The following ATP8A1 variants were observed in gnomAD, a reference collection of about 807,000 sequenced individuals.
ATP8A1 encodes the protein phospholipid-transporting ATPase IA.
ATP8A1 carries 90 observed loss-of-function variants against 177.7 expected under a neutral mutation model. The ratio of observed to expected loss-of-function variants is 0.51; its 90% CI spans 0.43 to 0.60. The LOEUF is 0.60. Among genes scored for constraint, ATP8A1 ranks in the 20% least tolerant of loss-of-function variants. The pLI, the probability that ATP8A1 is intolerant of heterozygous loss-of-function variation, is 0.00. For synonymous variants in ATP8A1, 493 were observed against 485.9 expected (o/e 1.01, Z -0.19); for missense variants, 1,072 against 1,392.8 (o/e 0.77, Z 3.67).
chr4:42,457,762 C>A (rs1407415805), intron 27 of ATP8A1, among the ~76,000 whole-genome samples: 4 of 152,190 alleles, frequency 2.6e-5, no homozygotes, highest in Non-Finnish European at 4.4e-5. Flanking sequence ...GATTCTCCCT[C>A]AAATCAATAT....
At chr4:42,547,676 T>C (rs1729067481) in intron 19 of ATP8A1, among the ~76,000 whole-genome samples, 1 of 152,242 alleles carries the variant, frequency 6.6e-6, no homozygotes, top group Non-Finnish European at 1.5e-5. Flanking sequence ...TACTCCATTC[T>C]GTTTATTCAA....
At position 42,507,168 on chromosome 4, in the gene ATP8A1, G is replaced by C; in HGVS notation, c.1948-14C>G. 2 of 1,611,748 alleles carry C rather than the reference G, an allele frequency of 1.2e-6. No individual in the cohort carries two copies. The highest frequency in any genetic ancestry group is 1.7e-6 in the Non-Finnish European group (2 of 1,179,338). On this transcript the variant is annotated splice_polypyrimidine_tract_variant and intron_variant, in intron 22 of 36. Coordinates refer to ENST00000381668, the MANE Select transcript of ATP8A1 (RefSeq NM_006095.2). The stretch of plus-strand genomic sequence containing the variant: ...TAGCTGAAGATTCTGAAAAAAATTA[G>C]TGGTAGAAATGTTTTAAAAATCCGT...
chr4:42,641,145 G>A (rs1328072318), intron 1 of ATP8A1, among the ~76,000 whole-genome samples: 1 of 151,950 alleles, frequency 6.6e-6, no homozygotes, highest in African/African-American at 2.4e-5. Context: ...CACATGACAC[G>A]ATTAATCAAT....
intron 33 of ATP8A1, among the ~76,000 whole-genome samples, chr4:42,433,199 T>C (rs1370154740): frequency 1.3e-5 from 2 of 152,170 alleles, no homozygotes; most frequent in Admixed American, 6.5e-5. Context: ...GGAAAACTCT[T>C]TTCACACCCA....
At chr4:42,636,416 AG>A (rs1739403806) in intron 1 of ATP8A1, among the ~76,000 whole-genome samples, 2 of 151,898 alleles carry the variant, frequency 1.3e-5, no homozygotes, top group Non-Finnish European at 2.9e-5. Context: ...GGAGAGAGAG[AG>A]AGAGAGCTCA....
Position 42,539,747 on chromosome 4 carries a change from A to G in ATP8A1, c.1722+4170T>C, listed in dbSNP as rs73165766. ...TGGGAAATCTAAAAACCCATCCTAA[A>G]TAAGGATGAAACTGAACCCTTATCT... On this transcript the variant is annotated intron_variant, in intron 20 of 36. Transcript: ENST00000381668. Among the ~76,000 whole-genome samples the G allele has an allele frequency of 6.6e-3, 1,005 of 152,248 alleles. 11 individuals are homozygous for G. Among genetic ancestry groups the G allele is most frequent in the African/African-American group, 0.023 (955 of 41,542 alleles).
Position 42,468,430 on chromosome 4 carries a change from T to TACACACACAC in ATP8A1, c.2325-3364_2325-3355dup, listed in dbSNP as rs139371340. ...ATATATACATATTTTATATATTTTA[T>TACACACACAC]ACACACACACACACACACACACAGA... On this transcript the variant is annotated intron_variant, in intron 25 of 36. Coordinates refer to ENST00000381668, the MANE Select transcript of ATP8A1 (RefSeq NM_006095.2). Among the ~76,000 whole-genome samples the TACACACACAC allele has an allele frequency of 5.7e-3, 863 of 150,504 alleles. 6 individuals are homozygous for TACACACACAC. Among genetic ancestry groups the TACACACACAC allele is most frequent in the Middle Eastern group, 0.014 (4 of 290 alleles).
chr4:42,437,691 T>A (rs1188680251), intron 33 of ATP8A1, among the ~76,000 whole-genome samples: 3 of 152,184 alleles, frequency 2.0e-5, no homozygotes, highest in African/African-American at 7.2e-5. Flanking sequence ...ATTTGAATCA[T>A]TATCATGGGT....
chr4:42,614,036 T>C (rs1736654939), intron 5 of ATP8A1, among the ~76,000 whole-genome samples: 1 of 152,218 alleles, frequency 6.6e-6, no homozygotes, highest in Non-Finnish European at 1.5e-5. Context: ...TATATATTTA[T>C]TATAGAAGCT....
Position 42,569,218 on chromosome 4 carries a change from A to G in ATP8A1, c.1296-13T>C, listed in dbSNP as rs1452439857. On this transcript the variant is annotated splice_polypyrimidine_tract_variant and intron_variant, in intron 14 of 36. Transcript: ENST00000381668. The stretch of plus-strand genomic sequence containing the variant: ...TTCAGGGACATGGCTTCAGAAAGCA[A>G]GAAGAGAGGCAGAAAGAGAGGAAAA... The G allele has an allele frequency of 6.2e-7, 1 of 1,602,204 alleles. No individual in the cohort carries two copies. Among genetic ancestry groups the G allele is most frequent in the Non-Finnish European group, 8.5e-7 (1 of 1,173,326 alleles).
intron 23 of ATP8A1, among the ~76,000 whole-genome samples, chr4:42,506,807 T>A (rs1053968627): frequency 2.0e-5 from 3 of 152,214 alleles, no homozygotes; most frequent in African/African-American, 7.2e-5. Context: ...AAATCTTCCA[T>A]AAGCCCAATC....
rs545566513 is a variant in ATP8A1 at position 42,555,210 on chromosome 4, G to GCC, written c.1413+756_1413+757dup. Among the ~76,000 whole-genome samples the GCC allele has an allele frequency of 9.2e-3, 1,006 of 109,848 alleles. 16 individuals are homozygous for GCC. Among genetic ancestry groups the GCC allele is most frequent in the Non-Finnish European group, 0.014 (691 of 51,024 alleles). The allele number at this position is 109,848 out of a possible 152,430, so 72.1% of individuals were successfully genotyped here. On this transcript the variant is annotated intron_variant, in intron 16 of 36. Transcript: ENST00000381668. Reference sequence around the variant, plus strand: ...TCTATCTATCTATCCTATTAGTTCTGCCCCCCCCTAGAGAACCCTAATACA... The same window carrying GCC: ...TCTATCTATCTATCCTATTAGTTCTGCCCCCCCCCCTAGAGAACCCTAATACA...
chr4:42,528,773 C>T (rs207464570), intron 20 of ATP8A1, among the ~76,000 whole-genome samples: 1 of 152,136 alleles, frequency 6.6e-6, no homozygotes, highest in African/African-American at 2.4e-5. Context: ...TGGTCCATCA[C>T]ACTGATGACA....
At chr4:42,514,456 C>T (rs1725320594) in intron 22 of ATP8A1, among the ~76,000 whole-genome samples, 1 of 152,176 alleles carries the variant, frequency 6.6e-6, no homozygotes, top group Non-Finnish European at 1.5e-5. Context: ...TAAGAAGATT[C>T]TAACGGCCAG....
Position 42,496,489 on chromosome 4 carries a change from C to A in ATP8A1, c.2151+6961G>T, listed in dbSNP as rs549340791. Among the ~76,000 whole-genome samples, 20 of 152,194 alleles carry A rather than the reference C, an allele frequency of 1.3e-4. No individual in the cohort carries two copies. The South Asian group carries it at 4.2e-3, about 32-fold the overall frequency. Reference sequence around the variant, plus strand: ...TCTCTCTCATTACCTTCAATTCAGCCAGGAAGAGGCTGCTCAGAATACACA... The same window carrying A: ...TCTCTCTCATTACCTTCAATTCAGCAAGGAAGAGGCTGCTCAGAATACACA... On this transcript the variant is annotated intron_variant, in intron 24 of 36. Transcript: ENST00000381668.
chr4:42,462,347 C>T (rs998888479), intron 27 of ATP8A1, among the ~76,000 whole-genome samples: 6 of 152,226 alleles, frequency 3.9e-5, no homozygotes, highest in East Asian at 1.9e-4. Flanking sequence ...AGGGTACACT[C>T]GTGCTGTGTG....
chr4:42,550,031 T>TATAAAATATTCCCATCCTATAA (rs547685162), intron 18 of ATP8A1, among the ~76,000 whole-genome samples: 77 of 152,266 alleles, frequency 5.1e-4, no homozygotes, highest in African/African-American at 1.9e-3. Context: ...CCAATCAAGA[T>TATAAAATATTCCCATCCTATAA]ATAAAATATT....
chr4:42,565,578 T>A (rs1405471466), intron 15 of ATP8A1, among the ~76,000 whole-genome samples: 1 of 152,228 alleles, frequency 6.6e-6, no homozygotes, highest in African/African-American at 2.4e-5. Context: ...GGAATCACCC[T>A]CACTAGCATT....
At chr4:42,595,195 GA>G (rs1381249100) in intron 6 of ATP8A1, among the ~76,000 whole-genome samples, 1 of 151,552 alleles carries the variant, frequency 6.6e-6, no homozygotes, top group African/African-American at 2.4e-5. Flanking sequence ...TTAATAGATG[GA>G]AAAAAAAGAC....
Sources: gnomAD v4.1 joint callset for allele counts (sites outside exome capture counted in the v4.1 genomes callset) on GRCh38, gnomAD v4.1.1 for gene constraint, MANE v1.5 for transcripts, NCBI Gene and HGNC (gene_info 2026-07-23, HGNC 2026-07-21) for gene names.